Variants in ITGA6 observed in about 807,000 individuals in gnomAD.
The protein encoded by ITGA6 is integrin alpha-6.
In ITGA6, 63 loss-of-function variants were observed where a neutral mutation model predicts 133.6. The observed-to-expected ratio is 0.47, with a 90% CI of 0.38 to 0.58. ITGA6 has a LOEUF of 0.58. Ranked by LOEUF, ITGA6 falls within the 20% of genes least tolerant of loss-of-function variation. The probability of loss-of-function intolerance (pLI) is 0.00; values close to 1 mark genes in which losing one functional copy is unlikely to be tolerated. For synonymous variants in ITGA6, 434 were observed against 482.0 expected (o/e 0.90, Z 1.30); for missense variants, 1,068 against 1,309.4 (o/e 0.82, Z 2.85).
intron 1 of ITGA6, among the ~76,000 whole-genome samples, chr2:172,458,650 C>A (rs1022859035): frequency 6.6e-6 from 1 of 152,076 alleles, no homozygotes; most frequent in Non-Finnish European, 1.5e-5. Context: ...AGGGTGAGAG[C>A]GAGCCAGAAA....
rs2272497 is a variant in ITGA6 at position 172,467,244 on chromosome 2, A to C, written c.308-237A>C. On this transcript the variant is annotated intron_variant, in intron 2 of 25. Transcript: ENST00000684293. ...GAGAGGGCAAAGGGTATTGTTGGAC[A>C]AAATAGGCAACTATATAGAGCTAAG... Among the ~76,000 whole-genome samples, 783 of 152,334 alleles carry C rather than the reference A, an allele frequency of 5.1e-3. 19 individuals are homozygous for C. The highest frequency in any genetic ancestry group is 0.043 in the East Asian group (225 of 5,190).
chr2:172,447,802 A>G (rs142795374), intron 1 of ITGA6, among the ~76,000 whole-genome samples: 146 of 152,270 alleles, frequency 9.6e-4, no homozygotes, highest in African/African-American at 3.3e-3. Context: ...TTATTAGCAT[A>G]TTCCCTTTAA....
chr2:172,471,210 C>T, intron 5 of ITGA6, 105 bp downstream of exon 5: 1 of 1,348,210 alleles, frequency 7.4e-7, no homozygotes, highest in Non-Finnish European at 1.0e-6. Flanking sequence ...TGAGAAGAGG[C>T]CAGGTGGGGC....
intron 25 of ITGA6, 42 bp downstream of exon 25, chr2:172,501,943 C>A: frequency 6.3e-7 from 1 of 1,577,786 alleles, no homozygotes; most frequent in Non-Finnish European, 8.6e-7. Flanking sequence ...GTGGGACCCG[C>A]TATGGTTGTG....
intron 1 of ITGA6, among the ~76,000 whole-genome samples, chr2:172,456,798 A>T (rs534833654): frequency 6.6e-6 from 1 of 152,292 alleles, no homozygotes; most frequent in East Asian, 1.9e-4. Context: ...AGCAATATTT[A>T]TTTTTACCCC....
At chr2:172,432,661 G>A (rs935955904) in intron 1 of ITGA6, among the ~76,000 whole-genome samples, 2 of 152,030 alleles carry the variant, frequency 1.3e-5, no homozygotes, top group South Asian at 2.1e-4. Flanking sequence ...TTTCAAAGGC[G>A]GGGGGTTCCA....
In ITGA6 at chr2:172,492,046, C is replaced by T. The variant is rs537909379; in HGVS notation, c.2988+523C>T. Among the ~76,000 whole-genome samples the T allele has an allele frequency of 1.3e-3, 194 of 152,310 alleles. 1 individual carries two copies. Among genetic ancestry groups the T allele is most frequent in the Non-Finnish European group, 2.1e-3 (145 of 68,030 alleles). ...CTCCTTGGATGTTTCTTATTCTTCT[C>T]AGAGCTTATGCACCCAGCTCTTGAG... is the stretch of plus-strand genomic sequence containing the variant. On this transcript the variant is annotated intron_variant, in intron 23 of 25. Coordinates refer to ENST00000684293, the MANE Select transcript of ITGA6 (RefSeq NM_000210.4).
Position 172,491,614 on chromosome 2 carries a change from T to C in ITGA6, c.2988+91T>C. 3.7e-6 allele frequency: 3 copies of C among 811,262 alleles called. No individual in the cohort carries two copies. Among genetic ancestry groups the C allele is most frequent in the Non-Finnish European group, 4.2e-6 (2 of 474,800 alleles). 50.3% of individuals were successfully genotyped at this position (811,262 alleles called of 1,614,324 possible). The stretch of plus-strand genomic sequence containing the variant: ...GTCCTGAAGTCATGTGCTTTGGTGC[T>C]CATTTCCCTCATAGCCCCATTACGG... On this transcript the variant is annotated intron_variant, in intron 23 of 25. Coordinates refer to ENST00000684293, the MANE Select transcript of ITGA6 (RefSeq NM_000210.4). The surrounding 1 kb of genome is among the most constrained non-coding windows in gnomAD (Gnocchi z 4.4).
intron 2 of ITGA6, among the ~76,000 whole-genome samples, chr2:172,466,587 T>C: frequency 6.6e-6 from 1 of 152,106 alleles, no homozygotes; most frequent in East Asian, 1.9e-4. Context: ...GCCACTACAC[T>C]CCAGCCTGGG....
At position 172,474,201 on chromosome 2, in the gene ITGA6, G is replaced by C. The variant is rs145641588; in HGVS notation, c.922G>C (p.Asp308His). ...ACATCTCCTCCCTGAGCACATATTC[G>C]ATGGAGAAGGTCTGGCCTCTTCATT... ...SAHLLPEHIF[D>H]GEGLASSFGY... Residue 308 changes from aspartate to histidine, a missense_variant, in exon 6 of 26, where the codon GAT becomes CAT. Asp to His is a moderately conservative substitution (Grantham distance 81). Transcript: ENST00000684293. 6.2e-6 allele frequency: 10 copies of C among 1,614,000 alleles called. No individual in the cohort carries two copies. The African/African-American group carries it at 1.3e-4, about 22-fold the overall frequency.
At chr2:172,489,843 A>C (rs1266978607) in intron 20 of ITGA6, 185 bp downstream of exon 20, 1 of 597,774 alleles carries the variant, frequency 1.7e-6, no homozygotes, top group African/African-American at 1.9e-5. Flanking sequence ...TTGCTGGTTA[A>C]TGACCATTAT....
chr2:172,467,969 A>T (rs1192853901), intron 3 of ITGA6, among the ~76,000 whole-genome samples: 1 of 137,102 alleles, frequency 7.3e-6, no homozygotes, highest in Non-Finnish European at 1.5e-5. Context: ...AAAAAAGAAG[A>T]AGTAATCACG....
intron 1 of ITGA6, among the ~76,000 whole-genome samples, chr2:172,447,041 G>C (rs938088134): frequency 6.6e-6 from 1 of 152,000 alleles, no homozygotes; most frequent in African/African-American, 2.4e-5. Context: ...GGGATTACAG[G>C]TGTGCACCAC....
intron 1 of ITGA6, among the ~76,000 whole-genome samples, chr2:172,456,236 G>C (rs1044124978): frequency 6.6e-6 from 1 of 152,256 alleles, no homozygotes; most frequent in Non-Finnish European, 1.5e-5. Context: ...TACAAGGCCA[G>C]TGAGCTTTGA....
Position 172,491,200 on chromosome 2 carries a change from C to G in ITGA6, c.2779-21C>G. ...CTTCAGAACAATGTCTTTTGATGAC[C>G]ATTCTTCTTTTTCTCTCTAGAACTG... On this transcript the variant is annotated intron_variant, in intron 21 of 25. Coordinates refer to ENST00000684293, the MANE Select transcript of ITGA6 (RefSeq NM_000210.4). The surrounding 1 kb of genome is among the most constrained non-coding windows in gnomAD (Gnocchi z 4.4). 1 of 1,522,926 alleles carries G rather than the reference C, an allele frequency of 6.6e-7. No individual in the cohort carries two copies. The highest frequency in any genetic ancestry group is 1.1e-5 in the South Asian group (1 of 89,276). The allele number at this position is 1,522,926 out of a possible 1,614,324, so 94.3% of individuals were successfully genotyped here. A position where few individuals can be genotyped will look rare whatever the true frequency, so the allele number is the denominator to read the frequency against.
At chr2:172,474,896 G>C in intron 6 of ITGA6, 33 bp from the exon 7 acceptor site, 1 of 1,107,724 alleles carries the variant, frequency 9.0e-7, no homozygotes, top group Non-Finnish European at 1.4e-6. Flanking sequence ...TTAGCTGTTG[G>C]TTCACGGCTC....
At chr2:172,451,076 A>G (rs1486351279) in intron 1 of ITGA6, among the ~76,000 whole-genome samples, 1 of 149,952 alleles carries the variant, frequency 6.7e-6, no homozygotes, top group Non-Finnish European at 1.5e-5. Context: ...AATCACTTCA[A>G]CCTGGGAGGC....
In ITGA6 at chr2:172,465,628, G is replaced by T. The variant is rs200823590; in HGVS notation, c.272G>T (p.Arg91Leu). 1.2e-6 allele frequency: 2 copies of T among 1,614,176 alleles called. No individual in the cohort carries two copies. The highest frequency in any genetic ancestry group is 4.5e-5 in the East Asian group (2 of 44,886). Residue 91 changes from arginine (R) to leucine (L), a missense_variant, in exon 2 of 26, where the codon CGG (arginine) becomes CTG (leucine). Physicochemically the swap from Arg to Leu is moderately radical, Grantham distance 102. Coordinates refer to ENST00000684293, the MANE Select transcript of ITGA6 (RefSeq NM_000210.4). ...GGLYSCDITA[R>L]GPCTRIEFDN... is the part of the protein sequence containing the mutation. ...CTGTACAGCTGCGACATCACCGCCC[G>T]GGGGCCATGCACGCGGATCGAGTTT... is the stretch of plus-strand genomic sequence containing the variant.
chr2:172,455,225 C>A (rs1402746914), intron 1 of ITGA6, among the ~76,000 whole-genome samples: 1 of 152,232 alleles, frequency 6.6e-6, no homozygotes, highest in Non-Finnish European at 1.5e-5. Context: ...CGTCTCATTG[C>A]ATAGGTGGGT....
Sources: allele counts gnomAD v4.1 joint callset (sites outside exome capture counted in the v4.1 genomes callset), GRCh38; gene constraint gnomAD v4.1.1; non-coding constraint Gnocchi (gnomAD v3.1); transcripts MANE v1.5; gene names NCBI Gene and HGNC (gene_info 2026-07-23, HGNC 2026-07-21).